Variants in PVT1 observed in about 807,000 individuals in gnomAD.
The protein encoded by PVT1 is CXCR4/PVT1 fusion.
intron 3 of PVT1, among the ~76,000 whole-genome samples, chr8:127,895,948 A>G (rs1278698213): frequency 6.6e-6 from 1 of 152,232 alleles, no homozygotes; most frequent in Non-Finnish European, 1.5e-5. Flanking sequence ...AGAACTGGCA[A>G]TAGGCCTTTA....
chr8:127,852,735 G>A (rs1237802512), intron 2 of PVT1, among the ~76,000 whole-genome samples: 1 of 152,166 alleles, frequency 6.6e-6, no homozygotes, highest in Non-Finnish European at 1.5e-5. Context: ...TACTATTCAA[G>A]AAGCCTGCCC....
In PVT1 at chr8:127,957,667, G is replaced by C. The variant is rs571297808; in HGVS notation, n.783-31495G>C. On this transcript the variant is annotated intron_variant and non_coding_transcript_variant, in intron 3 of 10. Transcript: ENST00000651587. ...TATAGGTGAACAGACTGAGATACAG[G>C]AGGAGTCACTTGCCTAGGGCCAAAC... Among the ~76,000 whole-genome samples the C allele has an allele frequency of 6.6e-5, 10 of 152,296 alleles. No individual in the cohort carries two copies. In the East Asian group the frequency reaches 1.9e-3, roughly 29 times the overall value.
chr8:127,985,409 G>A (rs1217186276), intron 3 of PVT1, among the ~76,000 whole-genome samples: 1 of 150,186 alleles, frequency 6.7e-6, no homozygotes, highest in Non-Finnish European at 1.5e-5. Flanking sequence ...TTACAGGTGT[G>A]AGCCACTGTG....
At chr8:127,911,052 C>G (rs1199202971) in intron 3 of PVT1, among the ~76,000 whole-genome samples, 1 of 152,104 alleles carries the variant, frequency 6.6e-6, no homozygotes, top group African/African-American at 2.4e-5. Context: ...GGCTTTAACT[C>G]AGTTCTGACA....
rs140459339 is a variant in PVT1, at chr8:127,914,573, C to T, written n.782+23575C>T. ...AACCCAGATGTCCAATGTCTGTCCG[C>T]GGAAGAATAGCAAACAGTATTCAAC... On this transcript the variant is annotated intron_variant and non_coding_transcript_variant, in intron 3 of 10. Transcript: ENST00000651587. Among the ~76,000 whole-genome samples the T allele has an allele frequency of 6.4e-3, 966 of 152,092 alleles. 10 individuals are homozygous for T. The highest frequency in any genetic ancestry group is 0.038 in the Middle Eastern group (11 of 292).
intron 4 of PVT1, among the ~76,000 whole-genome samples, chr8:128,043,541 C>T (rs1439486136): frequency 3.3e-5 from 5 of 152,102 alleles, no homozygotes; most frequent in African/African-American, 4.8e-5. Flanking sequence ...AGATGGCCTA[C>T]GGCAGGAGCC....
At chr8:127,959,091 G>T (rs1816605868) in intron 3 of PVT1, among the ~76,000 whole-genome samples, 1 of 152,180 alleles carries the variant, frequency 6.6e-6, no homozygotes, top group African/African-American at 2.4e-5. Flanking sequence ...CTTCTGTGTG[G>T]CTCTAAGGGA....
At chr8:127,872,644 A>G (rs1352167530) in intron 2 of PVT1, among the ~76,000 whole-genome samples, 2 of 152,252 alleles carry the variant, frequency 1.3e-5, no homozygotes, top group Non-Finnish European at 2.9e-5. Context: ...AGAAATGTTA[A>G]AAGTAGAAGT....
intron 4 of PVT1, among the ~76,000 whole-genome samples, chr8:128,032,353 T>TG (rs1053537533): frequency 2.6e-5 from 4 of 152,200 alleles, no homozygotes; most frequent in Admixed American, 2.6e-4. Flanking sequence ...GCTTCCTTCA[T>TG]GAACTTCGTT....
In PVT1 at chr8:127,926,159, C is replaced by T. The variant is rs1394736666; in HGVS notation, n.782+35161C>T. Among the ~76,000 whole-genome samples, 2 of 152,188 alleles carry T rather than the reference C, an allele frequency of 1.3e-5. 1 individual carries two copies. ...GGTTCTTTTCCTGCCCCTGGTGTCC[C>T]TCTAAGACCCAGATGTTTCCAGCAC... On this transcript the variant is annotated intron_variant and non_coding_transcript_variant, in intron 3 of 10. Transcript: ENST00000651587.
At chr8:128,080,932 T>A (rs1451882941) in intron 5 of PVT1, among the ~76,000 whole-genome samples, 1 of 152,248 alleles carries the variant, frequency 6.6e-6, no homozygotes, top group Non-Finnish European at 1.5e-5. Context: ...CAAATGAATG[T>A]CTGGTTGTTT....
At chr8:128,089,426 A>G (rs1428584621) in intron 5 of PVT1, among the ~76,000 whole-genome samples, 1 of 152,106 alleles carries the variant, frequency 6.6e-6, no homozygotes, top group African/African-American at 2.4e-5. Flanking sequence ...TCACCCCCCA[A>G]TAATGGTAGT....
intron 4 of PVT1, among the ~76,000 whole-genome samples, chr8:128,002,572 C>A (rs1817193173): frequency 1.3e-5 from 2 of 152,192 alleles, no homozygotes; most frequent in African/African-American, 4.8e-5. Context: ...TCTCTCCCGG[C>A]CTCTGCTGGA....
intron 3 of PVT1, among the ~76,000 whole-genome samples, chr8:127,972,830 G>T (rs771952020): frequency 4.6e-5 from 7 of 152,158 alleles, no homozygotes; most frequent in Non-Finnish European, 7.3e-5. Context: ...AAGGACTGGG[G>T]CATCTGTGCT....
chr8:127,848,539 C>T (rs969634987), intron 2 of PVT1, among the ~76,000 whole-genome samples: 1 of 152,016 alleles, frequency 6.6e-6, no homozygotes, highest in African/African-American at 2.4e-5. Flanking sequence ...CAAAATTAGC[C>T]GGGCGTGGTG....
chr8:127,801,621 G>C (rs1814465790), intron 2 of PVT1, among the ~76,000 whole-genome samples: 1 of 152,184 alleles, frequency 6.6e-6, no homozygotes, highest in Non-Finnish European at 1.5e-5. Context: ...GTGTTGAGAA[G>C]AAACTAAATC....
chr8:127,858,126 C>T (rs1459054632), intron 2 of PVT1, among the ~76,000 whole-genome samples: 2 of 152,278 alleles, frequency 1.3e-5, no homozygotes, highest in East Asian at 1.9e-4. Context: ...TGTGGTGGCT[C>T]ATGCCTATAA....
In PVT1 at chr8:128,021,290, C is replaced by CTTTTTTTTTTTTTTTTT. The variant is rs11438511; in HGVS notation, n.912+32004_912+32020dup. ...CCAGTCCGATTCCCCAGGACTTGTG[C>CTTTTTTTTTTTTTTTTT]TTTTTTTTTTTTTTTTTTTTTGAGA... On this transcript the variant is annotated intron_variant and non_coding_transcript_variant, in intron 4 of 10. Transcript: ENST00000651587. 1.1e-3 allele frequency among the ~76,000 whole-genome samples: 90 copies of CTTTTTTTTTTTTTTTTT among 81,134 alleles called. 7 individuals carry two copies. The highest frequency in any genetic ancestry group is 4.0e-3 in the African/African-American group (83 of 20,894). 53.2% of individuals were successfully genotyped at this position (81,134 alleles called of 152,430 possible).
At chr8:128,048,365 C>T (rs545659636) in intron 4 of PVT1, 1 of 152,424 alleles carries the variant, frequency 6.6e-6, no homozygotes, top group East Asian at 1.9e-4. Context: ...AGGTCACTCA[C>T]TGCTCTCCTG....
Sources: allele counts gnomAD v4.1 joint callset (sites outside exome capture counted in the v4.1 genomes callset), GRCh38; gene constraint gnomAD v4.1.1; transcripts MANE v1.5; gene names NCBI Gene and HGNC (gene_info 2026-07-23, HGNC 2026-07-21).